The following KALRN variants were observed in gnomAD, a reference collection of about 807,000 sequenced individuals.
KALRN encodes the protein kalirin RhoGEF kinase.
A neutral mutation model predicts 353.7 loss-of-function variants in KALRN; 70 were observed. That is an observed-to-expected ratio of 0.20 (90% CI 0.16 to 0.24). KALRN has a LOEUF of 0.24. Among genes scored for constraint, KALRN ranks in the 10% least tolerant of loss-of-function variants. The pLI is 1.00. For synonymous variants in KALRN, 1,391 were observed against 1,434.8 expected (o/e 0.97, Z 0.69); for missense variants, 2,791 against 3,756.7 (o/e 0.74, Z 6.72).
chr3:124,623,281 G>A (rs986080537), intron 34 of KALRN, among the ~76,000 whole-genome samples: 1 of 151,748 alleles, frequency 6.6e-6, no homozygotes, highest in Non-Finnish European at 1.5e-5. Flanking sequence ...TTACAGGTGT[G>A]AGCCGGTGCG....
At chr3:124,595,054 AT>A (rs755350427) in intron 34 of KALRN, among the ~76,000 whole-genome samples, 2 of 151,086 alleles carry the variant, frequency 1.3e-5, no homozygotes, top group Admixed American at 6.6e-5. Context: ...GAGAACCTTG[AT>A]TTTTTTTTCT....
chr3:124,491,157 T>C (rs1175957636), intron 30 of KALRN, among the ~76,000 whole-genome samples, 166 bp from the exon 31 acceptor site: 1 of 152,156 alleles, frequency 6.6e-6, no homozygotes, highest in African/African-American at 2.4e-5. Context: ...CTGTAGGTCC[T>C]TTCATCCTGG....
At chr3:124,568,446 A>G (rs2073118637) in intron 34 of KALRN, among the ~76,000 whole-genome samples, 1 of 152,194 alleles carries the variant, frequency 6.6e-6, no homozygotes, top group Admixed American at 6.5e-5. Flanking sequence ...ACAGTATGGG[A>G]TTCCTCAAAA....
At chr3:124,337,407 G>C (rs554444079) in intron 9 of KALRN, among the ~76,000 whole-genome samples, 121 of 152,250 alleles carry the variant, frequency 7.9e-4, no homozygotes, top group African/African-American at 2.6e-3. Flanking sequence ...ATATCATGTG[G>C]TTTTTGTCAT....
intron 1 of KALRN, among the ~76,000 whole-genome samples, chr3:124,105,916 G>A (rs748220050): frequency 3.3e-5 from 5 of 152,164 alleles, no homozygotes; most frequent in African/African-American, 4.8e-5. Flanking sequence ...AAACAGAAAT[G>A]AATTTATTTA....
chr3:124,582,989 C>A (rs1306122146), intron 34 of KALRN, among the ~76,000 whole-genome samples: 2 of 152,146 alleles, frequency 1.3e-5, no homozygotes, highest in African/African-American at 2.4e-5. Flanking sequence ...GGCCTCCCTG[C>A]ATCGTTCAGG....
chr3:124,096,931 C>T (rs1007566071), intron 1 of KALRN, among the ~76,000 whole-genome samples: 1 of 152,188 alleles, frequency 6.6e-6, no homozygotes, highest in Admixed American at 6.5e-5. Context: ...CTTCCATGCA[C>T]GTTTGATCAC....
chr3:124,296,289 T>TA (rs1379064233), intron 5 of KALRN, among the ~76,000 whole-genome samples: 1 of 152,166 alleles, frequency 6.6e-6, no homozygotes, highest in Non-Finnish European at 1.5e-5. Flanking sequence ...CCAAGCTTCT[T>TA]ACCTTCTTCT....
rs2063298637 is a variant in KALRN, at chr3:124,719,179, C to T, written c.8670C>T (p.Ile2890=). Residue 2890 remains isoleucine, a synonymous_variant, in exon 60 of 60, where the codon ATC becomes ATT. Coordinates refer to ENST00000682506, the MANE Select transcript of KALRN (RefSeq NM_001388419.1). This position sits in a 1 kb window ranked among gnomAD's most constrained non-coding sequence, Gnocchi z 5.3. The part of the protein sequence containing the change: ...FLDESKEETC[I]NVCRVDFSFP... ...ATGAGAGCAAAGAGGAGACATGTAT[C>T]AACGTATGCAGGGTGGATTTCAGCT... is the stretch of plus-strand genomic sequence containing the variant. 1.2e-6 allele frequency: 2 copies of T among 1,614,252 alleles called. No individual in the cohort carries two copies. Among genetic ancestry groups the T allele is most frequent in the Non-Finnish European group, 1.7e-6 (2 of 1,180,042 alleles).
At chr3:124,438,449 C>T (rs552423812) in intron 17 of KALRN, among the ~76,000 whole-genome samples, 57 of 152,048 alleles carry the variant, frequency 3.7e-4, no homozygotes, top group Non-Finnish European at 6.8e-4. Context: ...ACATAGGCAA[C>T]TTCCTCCTTT....
At chr3:124,540,241 A>G (rs2068898173) in intron 33 of KALRN, among the ~76,000 whole-genome samples, 1 of 152,202 alleles carries the variant, frequency 6.6e-6, no homozygotes, top group African/African-American at 2.4e-5. Flanking sequence ...TTAAATTATT[A>G]TAAATGCATA....
In KALRN at chr3:124,163,744, C is replaced by G. The variant is rs74730872; in HGVS notation, c.74-64246C>G. 6.8e-4 allele frequency: 666 copies of G among 985,398 alleles called. 1 individual carries two copies. The African/African-American group carries it at 9.0e-3, about 13-fold the overall frequency. The allele number at this position is 985,398 out of a possible 1,614,324, so 61.0% of individuals were successfully genotyped here. A position where few individuals can be genotyped will look rare whatever the true frequency, so the allele number is the denominator to read the frequency against. On this transcript the variant is annotated intron_variant, in intron 1 of 59. Coordinates refer to ENST00000682506, the MANE Select transcript of KALRN (RefSeq NM_001388419.1). ...CCTTGCTCATAGTTCTCACTACAGG[C>G]TTGCTCTGAGCCAACTTCCAAGTTC...
intron 6 of KALRN, among the ~76,000 whole-genome samples, chr3:124,308,570 A>G (rs1408823326): frequency 6.6e-6 from 1 of 152,038 alleles, no homozygotes; most frequent in African/African-American, 2.4e-5. Context: ...TGAATATCCA[A>G]TAGCTAAGAG....
intron 14 of KALRN, among the ~76,000 whole-genome samples, chr3:124,420,374 C>T (rs2092722591): frequency 6.6e-6 from 1 of 152,214 alleles, no homozygotes; most frequent in African/African-American, 2.4e-5. Flanking sequence ...ATATGAGCTA[C>T]AACAAATCCG....
chr3:124,175,753 T>C (rs2072638517), intron 1 of KALRN, among the ~76,000 whole-genome samples: 1 of 152,242 alleles, frequency 6.6e-6, no homozygotes, highest in African/African-American at 2.4e-5. Flanking sequence ...CCAGGCCTGT[T>C]CTCCAGGCCC....
At chr3:124,327,384 A>G (rs969585260) in intron 7 of KALRN, among the ~76,000 whole-genome samples, 1 of 152,142 alleles carries the variant, frequency 6.6e-6, no homozygotes, top group African/African-American at 2.4e-5. Context: ...CATAGTGAAA[A>G]TATCAACCAG....
chr3:124,283,974 T>C (rs949862395), intron 5 of KALRN, among the ~76,000 whole-genome samples: 6 of 152,244 alleles, frequency 3.9e-5, no homozygotes, highest in African/African-American at 1.4e-4. Flanking sequence ...TCATATGCTA[T>C]ACTCAGAACT....
At chr3:124,100,525 A>G (rs1468872932) in intron 1 of KALRN, 2 of 152,226 alleles carry the variant, frequency 1.3e-5, no homozygotes, top group African/African-American at 2.4e-5. Context: ...AAAATGGATT[A>G]AAGACTTACG....
chr3:124,491,068 TCA>T (rs1376705906), intron 30 of KALRN, among the ~76,000 whole-genome samples, 184 bp downstream of exon 30: 1 of 152,158 alleles, frequency 6.6e-6, no homozygotes, highest in Non-Finnish European at 1.5e-5. Context: ...ATTGTAGAGT[TCA>T]CAGTTCTTCT....
Sources: allele counts gnomAD v4.1 joint callset (sites outside exome capture counted in the v4.1 genomes callset), GRCh38; gene constraint gnomAD v4.1.1; non-coding constraint Gnocchi (gnomAD v3.1); transcripts MANE v1.5; gene names NCBI Gene and HGNC (gene_info 2026-07-23, HGNC 2026-07-21).